MYO9A: variants seen among roughly 807,000 people sequenced by gnomAD.
MYO9A encodes the protein myosin IXA, also known as unconventional myosin-IXa.
Under a neutral mutation model 293.3 loss-of-function variants are expected in MYO9A, and 103 were observed. The observed-to-expected ratio is 0.35, with a 90% confidence interval of 0.30 to 0.41. The LOEUF (loss-of-function observed/expected upper bound fraction) is 0.41, where lower values mean the gene tolerates loss of function less well. Ranked by LOEUF, MYO9A falls within the 10% of genes least tolerant of loss-of-function variation. The probability of loss-of-function intolerance (pLI) is 1.00; values close to 1 mark genes in which losing one functional copy is unlikely to be tolerated. For missense variants in MYO9A, 2,685 were observed against 3,033.0 expected (o/e 0.89, Z 2.69); for synonymous variants, 1,001 against 1,035.7 (o/e 0.97, Z 0.64).
intron 19 of MYO9A, among the ~76,000 whole-genome samples, chr15:71,913,051 T>G (rs1261628447): frequency 6.6e-6 from 1 of 152,130 alleles, no homozygotes; most frequent in Non-Finnish European, 1.5e-5. Context: ...TTTTGCTCAT[T>G]ATTTCTTCAA....
intron 18 of MYO9A, among the ~76,000 whole-genome samples, chr15:71,926,541 T>C (rs1182366630): frequency 6.6e-6 from 1 of 152,084 alleles, no homozygotes; most frequent in African/African-American, 2.4e-5. Flanking sequence ...AGATCCTGTC[T>C]ACCAAAAACA....
intron 41 of MYO9A, 103 bp downstream of exon 41, chr15:71,827,781 T>A (rs748326450): frequency 2.1e-5 from 27 of 1,275,322 alleles, no homozygotes; most frequent in Non-Finnish European, 2.9e-5. Flanking sequence ...TTATTGCTGA[T>A]GTACAGTCAG....
intron 8 of MYO9A, among the ~76,000 whole-genome samples, chr15:72,003,285 TA>T (rs564320687): frequency 1.7e-5 from 2 of 117,668 alleles, no homozygotes; most frequent in Non-Finnish European, 1.9e-5. Flanking sequence ...AAAAAAAAAG[TA>T]AAAAAAAAAT....
At chr15:71,904,143 G>C in intron 20 of MYO9A, 104 bp from the exon 21 acceptor site, 1 of 896,962 alleles carries the variant, frequency 1.1e-6, no homozygotes. Flanking sequence ...TTGACTGGAG[G>C]TTGTCTGGTT....
At chr15:71,872,014 G>A (rs1596075036) in intron 32 of MYO9A, among the ~76,000 whole-genome samples, 1 of 151,894 alleles carries the variant, frequency 6.6e-6, no homozygotes, top group Non-Finnish European at 1.5e-5. Context: ...CTGGGAAAGA[G>A]GTCTACTTTA....
At chr15:72,021,792 T>C (rs999521315) in intron 4 of MYO9A, among the ~76,000 whole-genome samples, 3 of 152,190 alleles carry the variant, frequency 2.0e-5, no homozygotes, top group African/African-American at 7.2e-5. Flanking sequence ...TAGAAGGTCA[T>C]ATGCATGCAT....
At chr15:71,934,464 A>T (rs1408308783) in intron 17 of MYO9A, among the ~76,000 whole-genome samples, 4 of 152,164 alleles carry the variant, frequency 2.6e-5, no homozygotes, top group Admixed American at 6.5e-5. Context: ...CATAAATAGA[A>T]CCTACTAATA....
chr15:72,117,708 GC>G lies in MYO9A; in HGVS notation c.-101del, dbSNP rs1311397589. On this transcript the variant is annotated 5_prime_UTR_variant, in exon 1 of 42. Transcript: ENST00000356056. Reference sequence around the variant, plus strand: ...GGGCTCCGCCGCGGTGGCCACCGCAGCCCCCTCCTCTTCGACGGAAGCTGCC... The same window carrying G: ...GGGCTCCGCCGCGGTGGCCACCGCAGCCCCTCCTCTTCGACGGAAGCTGCC... The G allele has an allele frequency of 1.5e-5, 6 of 396,798 alleles. No homozygotes were observed. The highest frequency in any genetic ancestry group is 6.2e-5 in the African/African-American group (3 of 48,504). 24.6% of individuals were successfully genotyped at this position (396,798 alleles called of 1,614,324 possible).
intron 1 of MYO9A, among the ~76,000 whole-genome samples, chr15:72,069,411 C>T (rs2079115105): frequency 1.3e-5 from 2 of 151,932 alleles, no homozygotes; most frequent in South Asian, 4.2e-4. Context: ...TTTCCATCTG[C>T]TATACAACAT....
chr15:71,847,510 A>C (rs1475416404), intron 39 of MYO9A: 1 of 447,144 alleles, frequency 2.2e-6, no homozygotes. Context: ...GAAGGTTAGA[A>C]TGTACATGTC....
rs934370221 is a variant in MYO9A, at chr15:72,095,187, A to G, written c.-72+22493T>C. Among the ~76,000 whole-genome samples, 10 of 93,174 alleles carry G rather than the reference A, an allele frequency of 1.1e-4. 3 individuals carry two copies. The South Asian group carries it at 1.7e-3, about 16-fold the overall frequency. 61.1% of individuals were successfully genotyped at this position (93,174 alleles called of 152,430 possible). On this transcript the variant is annotated intron_variant, in intron 1 of 41. Transcript: ENST00000356056. ...GGCCAAAAGCTAGACCTCTTGTGCAAAACAGTTTGCCAAGTTGTGAATGCA... is the reference window on the plus strand; with the variant it reads ...GGCCAAAAGCTAGACCTCTTGTGCAGAACAGTTTGCCAAGTTGTGAATGCA...
Position 71,878,075 on chromosome 15 carries a change from T to A in MYO9A, c.5896A>T (p.Asn1966Tyr). Reference sequence around the variant, plus strand: ...GTGCAATCTGAAGTCTTGAATTCATTCATATATTCATCTAAAAACACTTTA... The same window carrying A: ...GTGCAATCTGAAGTCTTGAATTCATACATATATTCATCTAAAAACACTTTA... The part of the protein sequence containing the change: ...TFKVFLDEYM[N>Y]EFKTSDCTAT... The change falls in exon 31 of 42, where the codon AAT (asparagine) becomes TAT (tyrosine). Residue 1966 changes from asparagine to tyrosine, a missense_variant. By Grantham distance (143) the Asn-to-Tyr change is moderately radical. This residue lies in a region of MYO9A where 1,434 missense variants were observed against 1,497.7 expected (regional missense o/e 0.96). Coordinates refer to ENST00000356056, the MANE Select transcript of MYO9A (RefSeq NM_006901.4). 6.2e-7 allele frequency: 1 copy of A among 1,607,928 alleles called. No individual in the cohort carries two copies. The highest frequency in any genetic ancestry group is 8.5e-7 in the Non-Finnish European group (1 of 1,178,330).
chr15:71,877,273 T>G (rs913595744), intron 31 of MYO9A, among the ~76,000 whole-genome samples: 1 of 152,130 alleles, frequency 6.6e-6, no homozygotes, highest in Non-Finnish European at 1.5e-5. Context: ...CCGAGTACGA[T>G]TCTCAGGCCG....
At chr15:72,103,259 A>AAGCAGAGGCAGC (rs1338899222) in intron 1 of MYO9A, among the ~76,000 whole-genome samples, 42 of 146,740 alleles carry the variant, frequency 2.9e-4, no homozygotes, top group Admixed American at 5.3e-4. Context: ...GCAGAAGGAG[A>AAGCAGAGGCAGC]AGCAGAGGCA....
At chr15:71,918,517 AAC>A (rs1264099537) in intron 18 of MYO9A, among the ~76,000 whole-genome samples, 1 of 152,234 alleles carries the variant, frequency 6.6e-6, no homozygotes, top group African/African-American at 2.4e-5. Flanking sequence ...CATGTAAAAC[AAC>A]ACACATGTAA....
At chr15:71,934,585 C>G (rs2058572858) in intron 17 of MYO9A, among the ~76,000 whole-genome samples, 1 of 151,008 alleles carries the variant, frequency 6.6e-6, no homozygotes, top group Admixed American at 6.6e-5. Flanking sequence ...ATGCTAATAA[C>G]TAATAACTTT....
rs1196251370 is a variant in MYO9A at position 71,878,036 on chromosome 15, T to G, written c.5931+4A>C. 6.3e-7 allele frequency: 1 copy of G among 1,580,722 alleles called. No homozygotes were observed. On this transcript the variant is annotated splice_donor_region_variant and intron_variant, in intron 31 of 41. Coordinates refer to ENST00000356056, the MANE Select transcript of MYO9A (RefSeq NM_006901.4). ...TTTAAGTAATCAAAATATATCACAT[T>G]TACCTTTGTGGCTGTGCAATCTGAA...
At chr15:72,020,435 A>T (rs1417326139) in intron 5 of MYO9A, among the ~76,000 whole-genome samples, 1 of 152,216 alleles carries the variant, frequency 6.6e-6, no homozygotes, top group African/African-American at 2.4e-5. Context: ...AATATTTAAG[A>T]AGATTGTTCA....
At chr15:72,110,984 C>T (rs968934007) in intron 1 of MYO9A, among the ~76,000 whole-genome samples, 5 of 151,606 alleles carry the variant, frequency 3.3e-5, no homozygotes, top group African/African-American at 7.3e-5. Flanking sequence ...ATGGTGAAGC[C>T]CTGTCTCTAC....
Sources: gnomAD v4.1 joint callset for allele counts (sites outside exome capture counted in the v4.1 genomes callset) on GRCh38, gnomAD v4.1.1 for gene constraint, gnomAD v4.1.1 regional missense constraint, MANE v1.5 for transcripts, NCBI Gene and HGNC (gene_info 2026-07-23, HGNC 2026-07-21) for gene names.